CNTN1: variants seen among roughly 807,000 people sequenced by gnomAD.
CNTN1 encodes contactin-1.
CNTN1 carries 38 observed loss-of-function variants against 126.4 expected under a neutral mutation model. That is an observed-to-expected ratio of 0.30 (90% CI 0.23 to 0.39). The LOEUF (loss-of-function observed/expected upper bound fraction) is 0.39, where lower values mean the gene tolerates loss of function less well. CNTN1 is among the 10% of genes least tolerant of loss of function. CNTN1 has a pLI of 1.00. For missense variants in CNTN1, 1,009 were observed against 1,248.4 expected, an observed-to-expected ratio of 0.81 and a Z score of 2.89; for synonymous variants, 413 against 422.6, an observed-to-expected ratio of 0.98 and a Z score of 0.28.
At chr12:41,013,708 G>T (rs1170969466) in intron 17 of CNTN1, among the ~76,000 whole-genome samples, 1 of 152,118 alleles carries the variant, frequency 6.6e-6, no homozygotes, top group Non-Finnish European at 1.5e-5. Context: ...AGAGAACGGG[G>T]GAGAGAGTAC....
intron 16 of CNTN1, among the ~76,000 whole-genome samples, chr12:40,984,885 A>G (rs188525728): frequency 6.6e-5 from 10 of 152,236 alleles, no homozygotes; most frequent in Non-Finnish European, 1.0e-4. Context: ...ACATACATAT[A>G]TAGTTTTCTA....
chr12:40,986,520 G>A (rs1039265121), intron 16 of CNTN1, among the ~76,000 whole-genome samples: 4 of 152,050 alleles, frequency 2.6e-5, no homozygotes. Context: ...TCAGATTTCG[G>A]CAGACTCTTC....
chr12:40,697,043 C>G (rs1009752630), intron 1 of CNTN1, among the ~76,000 whole-genome samples: 1 of 152,104 alleles, frequency 6.6e-6, no homozygotes, highest in Non-Finnish European at 1.5e-5. Flanking sequence ...TATGATAGAT[C>G]TTCAGATTGT....
chr12:40,854,446 G>T (rs940782741), intron 1 of CNTN1, among the ~76,000 whole-genome samples: 3 of 151,990 alleles, frequency 2.0e-5, no homozygotes, highest in African/African-American at 7.3e-5. Context: ...CATATTTCTA[G>T]ATTTAAAAGT....
chr12:41,010,541 C>A (rs191789107), intron 17 of CNTN1, among the ~76,000 whole-genome samples: 1 of 152,262 alleles, frequency 6.6e-6, no homozygotes, highest in Non-Finnish European at 1.5e-5. Flanking sequence ...AGTGGTCACC[C>A]TTAGGAGGTT....
At chr12:40,705,825 G>A (rs535678788) in intron 1 of CNTN1, among the ~76,000 whole-genome samples, 16 of 152,278 alleles carry the variant, frequency 1.1e-4, no homozygotes, top group African/African-American at 3.9e-4. Flanking sequence ...TAATCATGGT[G>A]GAAGGTAAAG....
intron 1 of CNTN1, among the ~76,000 whole-genome samples, chr12:40,780,076 T>G (rs1157433159): frequency 1.3e-5 from 2 of 152,002 alleles, no homozygotes; most frequent in Non-Finnish European, 2.9e-5. Context: ...TGTTCTCTTT[T>G]TATATCCTAT....
intron 6 of CNTN1, among the ~76,000 whole-genome samples, chr12:40,926,207 A>AGATAGATAGATT (rs1379643453): frequency 3.3e-4 from 50 of 151,828 alleles, no homozygotes; most frequent in Non-Finnish European, 6.6e-4. Context: ...ATAGATAGAT[A>AGATAGATAGATT]GATAGATAGA....
rs1225520598 is a variant in CNTN1, at chr12:40,908,333, T to C, written c.-76-24T>C. 4 of 836,054 alleles carry C rather than the reference T, an allele frequency of 4.8e-6. No individual in the cohort carries two copies. In the Admixed American group the frequency reaches 5.9e-5, roughly 12 times the overall value. The allele number at this position is 836,054 out of a possible 1,614,324, so 51.8% of individuals were successfully genotyped here. ...CTCCTTCCTTCTAATTCTTTCCTTC[T>C]TCTTCTTTTCTTTCTTGATGCAGGT... On this transcript the variant is annotated intron_variant, in intron 1 of 23. Transcript: ENST00000551295.
chr12:40,749,257 G>C (rs900516907), intron 1 of CNTN1, among the ~76,000 whole-genome samples: 1 of 152,058 alleles, frequency 6.6e-6, no homozygotes, highest in Non-Finnish European at 1.5e-5. Context: ...ATTTCACATA[G>C]TGGACCAGTC....
At chr12:40,905,958 A>G (rs1944794023) in intron 1 of CNTN1, among the ~76,000 whole-genome samples, 1 of 152,202 alleles carries the variant, frequency 6.6e-6, no homozygotes, top group Non-Finnish European at 1.5e-5. Context: ...TCCACAGATC[A>G]TGTAATTGAT....
intron 1 of CNTN1, among the ~76,000 whole-genome samples, chr12:40,809,961 G>T (rs991159058): frequency 1.3e-5 from 2 of 152,120 alleles, no homozygotes; most frequent in African/African-American, 2.4e-5. Context: ...TAGTCGTCAG[G>T]ATAGTGGCTA....
At chr12:40,995,098 A>G (rs1431312234) in intron 17 of CNTN1, among the ~76,000 whole-genome samples, 2 of 152,240 alleles carry the variant, frequency 1.3e-5, no homozygotes, top group East Asian at 1.9e-4. Flanking sequence ...TAGACCAAGT[A>G]TTTTAGTGCT....
intron 7 of CNTN1, among the ~76,000 whole-genome samples, chr12:40,930,624 A>G (rs1426742712): frequency 6.6e-6 from 1 of 151,894 alleles, no homozygotes; most frequent in Non-Finnish European, 1.5e-5. Context: ...ATCACAGTAT[A>G]CTTGCTTACT....
Position 41,025,185 on chromosome 12 carries a change from T to C in CNTN1, c.2559T>C (p.Ala853=). Residue 853 remains alanine (A), a synonymous_variant, in exon 21 of 24, where the codon GCT becomes GCC. Coordinates refer to ENST00000551295, the MANE Select transcript of CNTN1 (RefSeq NM_001843.4). ...GGGCTGCCCATGACAAAGAAGAAGC[T>C]GCAAACAGAGTTCAAGTCACCAGCC... ...RYWAAHDKEE[A]ANRVQVTSQE... 1 of 1,613,942 alleles carries C rather than the reference T, an allele frequency of 6.2e-7. No homozygotes were observed. Among genetic ancestry groups the C allele is most frequent in the Non-Finnish European group, 8.5e-7 (1 of 1,179,888 alleles).
intron 1 of CNTN1, among the ~76,000 whole-genome samples, chr12:40,702,813 G>T (rs913732883): frequency 2.0e-5 from 3 of 152,140 alleles, no homozygotes; most frequent in Non-Finnish European, 4.4e-5. Context: ...ACATAGTATA[G>T]TGCCAACACA....
intron 1 of CNTN1, among the ~76,000 whole-genome samples, chr12:40,727,695 A>T (rs1229948546): frequency 6.6e-6 from 1 of 152,210 alleles, no homozygotes; most frequent in Non-Finnish European, 1.5e-5. Context: ...AAAAATTCTA[A>T]AAAGCAAAAA....
At chr12:40,731,550 A>AT (rs1946839021) in intron 1 of CNTN1, among the ~76,000 whole-genome samples, 1 of 151,990 alleles carries the variant, frequency 6.6e-6, no homozygotes. Context: ...TTCTTTAGAT[A>AT]TTTTGCTCGC....
At chr12:40,697,672 T>C (rs1429694497) in intron 1 of CNTN1, among the ~76,000 whole-genome samples, 2 of 152,190 alleles carry the variant, frequency 1.3e-5, no homozygotes, top group Admixed American at 6.5e-5. Context: ...TGAACTTCTT[T>C]CCTCCTTTGA....
Sources: gnomAD v4.1 joint callset for allele counts (sites outside exome capture counted in the v4.1 genomes callset) on GRCh38, gnomAD v4.1.1 for gene constraint, MANE v1.5 for transcripts, NCBI Gene and HGNC (gene_info 2026-07-23, HGNC 2026-07-21) for gene names.